MGST1: variants seen among roughly 807,000 people sequenced by gnomAD.
MGST1 encodes the protein glutathione S-transferase 12.
In MGST1, 5 loss-of-function variants were observed where a neutral mutation model predicts 8.9. The observed-to-expected ratio is 0.56, with a 90% CI of 0.29 to 1.19. The LOEUF (loss-of-function observed/expected upper bound fraction) is 1.19. MGST1 is among the 50% of genes most tolerant of loss of function. The pLI, the probability that MGST1 is intolerant of heterozygous loss-of-function variation, is 0.08. For missense variants in MGST1, 182 were observed against 187.4 expected (o/e 0.97, Z 0.17); for synonymous variants, 54 against 67.8 (o/e 0.80, Z 1.00).
chr12:16,429,180 C>T (rs1238777106), intron 1 of MGST1, among the ~76,000 whole-genome samples: 1 of 151,944 alleles, frequency 6.6e-6, no homozygotes, highest in East Asian at 1.9e-4. Flanking sequence ...TTCTTTGTGC[C>T]TTGCACTTCT....
Position 16,401,069 on chromosome 12 carries a change from C to T in MGST1, n.778+17465C>T, listed in dbSNP as rs1044361329. The T allele has an allele frequency of 2.9e-5, 47 of 1,593,566 alleles. No individual in the cohort carries two copies. The highest frequency in any genetic ancestry group is 3.9e-5 in the Non-Finnish European group (45 of 1,161,966). ...AGTAATGCTGCCCGAGAACCTCTTC[C>T]CAAAAGGTCCTCTGCCTCATCTTTC... On this transcript the variant is annotated intron_variant and non_coding_transcript_variant, in intron 1 of 1. Coordinates refer to the MGST1 transcript ENST00000359720. This position sits in a 1 kb window ranked among gnomAD's most constrained non-coding sequence, Gnocchi z 4.3.
intron 1 of MGST1, chr12:16,399,725 C>T (rs1940636682): frequency 3.4e-6 from 4 of 1,189,882 alleles, no homozygotes; most frequent in Non-Finnish European, 3.8e-6. Flanking sequence ...TTGCTTTAGT[C>T]CAGTTGAGGG....
Position 16,421,787 on chromosome 12 carries a change from T to C in MGST1, n.779-15601T>C, listed in dbSNP as rs1004076039. ...GGTCAAAGACTGTAACCCCTGGCAA[T>C]AGTGAGACAAATCCGTACTTGGAAT... On this transcript the variant is annotated intron_variant and non_coding_transcript_variant, in intron 1 of 1. Transcript: ENST00000359720. 5.3e-5 allele frequency among the ~76,000 whole-genome samples: 8 copies of C among 152,178 alleles called. No individual in the cohort carries two copies. In the East Asian group the frequency reaches 1.5e-3, roughly 29 times the overall value.
At position 16,546,656 on chromosome 12, in the gene MGST1, TG is replaced by T. The variant is rs1297199125; in HGVS notation, n.483-42871del. Reference sequence around the variant, plus strand: ...TGTGTGTAATTGTTAACACCTGCTATGTGTTACCAACAGATGTTTCTTACTT... The same window carrying T: ...TGTGTGTAATTGTTAACACCTGCTATTGTTACCAACAGATGTTTCTTACTT... On this transcript the variant is annotated intron_variant and non_coding_transcript_variant, in intron 4 of 4. Coordinates refer to the MGST1 transcript ENST00000538857. The surrounding 1 kb of genome is among the most constrained non-coding windows in gnomAD (Gnocchi z 4.7). Among the ~76,000 whole-genome samples, 1 of 152,174 alleles carries T rather than the reference TG, an allele frequency of 6.6e-6. No individual in the cohort carries two copies. Among genetic ancestry groups the T allele is most frequent in the Non-Finnish European group, 1.5e-5 (1 of 68,014 alleles).
At chr12:16,527,381 TACACTA>T (rs1814101203) in intron 4 of MGST1, among the ~76,000 whole-genome samples, 1 of 152,008 alleles carries the variant, frequency 6.6e-6, no homozygotes, top group African/African-American at 2.4e-5. Context: ...CATTATGTCT[TACACTA>T]ACATCATATT....
chr12:16,497,468 A>G lies in MGST1; in HGVS notation n.483-92060A>G, dbSNP rs1215143440. Among the ~76,000 whole-genome samples, 1 of 152,188 alleles carries G rather than the reference A, an allele frequency of 6.6e-6. No homozygotes were observed. Among genetic ancestry groups the G allele is most frequent in the Non-Finnish European group, 1.5e-5 (1 of 68,016 alleles). On this transcript the variant is annotated intron_variant and non_coding_transcript_variant, in intron 4 of 4. Coordinates refer to the MGST1 transcript ENST00000538857. This position sits in a 1 kb window ranked among gnomAD's most constrained non-coding sequence, Gnocchi z 4.4. ...AGACTGCACATTCTCACACTGCATC[A>G]TGGTAAAGTGAAAAGAGAAAGCAGA...
rs1427962011 is a variant in MGST1, at chr12:16,559,965, A to C, written n.483-29563A>C. Among the ~76,000 whole-genome samples the C allele has an allele frequency of 1.3e-5, 2 of 152,130 alleles. No homozygotes were observed. The highest frequency in any genetic ancestry group is 2.9e-5 in the Non-Finnish European group (2 of 68,022). On this transcript the variant is annotated intron_variant and non_coding_transcript_variant, in intron 4 of 4. Transcript: ENST00000538857. This position sits in a 1 kb window ranked among gnomAD's most constrained non-coding sequence, Gnocchi z 4.1. ...ACAGAACCAGACCTTGTATTTAAAA[A>C]AGCAAAAACAAAAACATGAGGGATA...
chr12:16,354,237 G>C lies in MGST1; in HGVS notation c.-16G>C. The C allele has an allele frequency of 6.4e-7, 1 of 1,567,834 alleles. No homozygotes were observed. The highest frequency in any genetic ancestry group is 2.3e-5 in the East Asian group (1 of 43,750). On this transcript the variant is annotated 5_prime_UTR_variant, in exon 2 of 4. Coordinates refer to ENST00000396210, the MANE Select transcript of MGST1 (RefSeq NM_020300.5). ...TTATTTAAATCTTTTTAAGATTCCA[G>C]ACCAAAATTGAAAAAATGGTTGACC...
At chr12:16,488,061 T>TTTAGATA (rs1235142590) in intron 4 of MGST1, among the ~76,000 whole-genome samples, 1 of 152,196 alleles carries the variant, frequency 6.6e-6, no homozygotes, top group Non-Finnish European at 1.5e-5. Flanking sequence ...GATCAAGTTA[T>TTTAGATA]TTAGAGATAT....
intron 4 of MGST1, among the ~76,000 whole-genome samples, chr12:16,459,371 G>A (rs1297348078): frequency 2.6e-5 from 4 of 152,020 alleles, no homozygotes; most frequent in East Asian, 1.9e-4. Context: ...TGTGGTGAAT[G>A]AGGAAGAAAA....
chr12:16,502,969 C>T (rs1941514096), intron 4 of MGST1, among the ~76,000 whole-genome samples: 1 of 152,164 alleles, frequency 6.6e-6, no homozygotes, highest in Non-Finnish European at 1.5e-5. Context: ...ATGTCTTCAG[C>T]TTCAAACCAC....
intron 4 of MGST1, among the ~76,000 whole-genome samples, chr12:16,528,567 A>G (rs1473757880): frequency 2.0e-5 from 3 of 151,990 alleles, no homozygotes; most frequent in Non-Finnish European, 2.9e-5. Context: ...TGGTGGCGTA[A>G]TAGTCACTCA....
intron 4 of MGST1, among the ~76,000 whole-genome samples, chr12:16,562,001 C>T (rs919708494): frequency 1.3e-4 from 20 of 152,124 alleles, no homozygotes; most frequent in African/African-American, 4.3e-4. Flanking sequence ...CTTTAGTATG[C>T]TTATTTTAAG....
In MGST1 at chr12:16,582,016, C is replaced by A. The variant is rs1943175511; in HGVS notation, n.483-7512C>A. On this transcript the variant is annotated intron_variant and non_coding_transcript_variant, in intron 4 of 4. Coordinates refer to the MGST1 transcript ENST00000538857. This position sits in a 1 kb window ranked among gnomAD's most constrained non-coding sequence, Gnocchi z 4.1. ...TTCTTATCTTATTACATTGGCTAGA[C>A]CCTTTAAAACATTAAATATGAGGGA... Among the ~76,000 whole-genome samples, 1 of 151,958 alleles carries A rather than the reference C, an allele frequency of 6.6e-6. No homozygotes were observed. Among genetic ancestry groups the A allele is most frequent in the African/African-American group, 2.4e-5 (1 of 41,384 alleles).
At chr12:16,518,321 T>C (rs1941627234) in intron 4 of MGST1, among the ~76,000 whole-genome samples, 1 of 152,160 alleles carries the variant, frequency 6.6e-6, no homozygotes, top group South Asian at 2.1e-4. Context: ...TTTCCTGATA[T>C]GTATGTGGCT....
rs150546388 is a variant in MGST1 at position 16,412,731 on chromosome 12, T to C, written n.779-24657T>C. 3.3e-3 allele frequency among the ~76,000 whole-genome samples: 500 copies of C among 152,280 alleles called. 1 individual carries two copies. Among genetic ancestry groups the C allele is most frequent in the Non-Finnish European group, 5.9e-3 (403 of 68,022 alleles). On this transcript the variant is annotated intron_variant and non_coding_transcript_variant, in intron 1 of 1. Coordinates refer to the MGST1 transcript ENST00000359720. ...TACCTGCCACCATGTGAGATGTGCC[T>C]TTGCTCTTCCTTCACCTTCTGCCAT...
intron 4 of MGST1, among the ~76,000 whole-genome samples, chr12:16,481,795 T>C (rs184366494): frequency 2.6e-5 from 4 of 151,588 alleles, no homozygotes; most frequent in East Asian, 3.9e-4. Context: ...TAGTTTCAGA[T>C]AGAAAAGAAT....
chr12:16,502,550 T>C (rs1941511124), intron 4 of MGST1, among the ~76,000 whole-genome samples: 1 of 152,128 alleles, frequency 6.6e-6, no homozygotes. Context: ...CCCTAAAGCC[T>C]CATGCAACTA....
chr12:16,465,238 T>C (rs1353808412), intron 4 of MGST1, among the ~76,000 whole-genome samples: 2 of 152,226 alleles, frequency 1.3e-5, no homozygotes, highest in African/African-American at 4.8e-5. Context: ...AAAACAGTTA[T>C]GAAAAGCAAG....
Sources: allele counts gnomAD v4.1 joint callset (sites outside exome capture counted in the v4.1 genomes callset), GRCh38; gene constraint gnomAD v4.1.1; non-coding constraint Gnocchi (gnomAD v3.1); transcripts MANE v1.5; gene names NCBI Gene and HGNC (gene_info 2026-07-23, HGNC 2026-07-21).